The following ANKRD45 variants were observed in gnomAD, a reference collection of about 807,000 sequenced individuals.
ANKRD45 encodes the protein ankyrin repeat domain 45, also known as ankyrin repeat domain-containing protein 45.
In ANKRD45, 21 loss-of-function variants were observed where a neutral mutation model predicts 28.1. The ratio of observed to expected loss-of-function variants is 0.75; its 90% CI spans 0.53 to 1.08. The LOEUF (loss-of-function observed/expected upper bound fraction) is 1.08, where lower values mean the gene tolerates loss of function less well. ANKRD45 is among the 50% of genes least tolerant of loss of function. The pLI, the probability that ANKRD45 is intolerant of heterozygous loss-of-function variation, is 0.00. For synonymous variants in ANKRD45, 86 were observed against 103.9 expected, an observed-to-expected ratio of 0.83 and a Z score of 1.05; for missense variants, 261 against 308.7, an observed-to-expected ratio of 0.85 and a Z score of 1.16.
intron 5 of ANKRD45, among the ~76,000 whole-genome samples, chr1:173,623,305 G>A (rs1018582440): frequency 4.1e-5 from 6 of 147,582 alleles, no homozygotes; most frequent in Non-Finnish European, 1.5e-5. Context: ...GTGAGACTCC[G>A]CCTCGAAAAA....
At chr1:173,705,144 T>C in the ANKRD45 span, among the ~76,000 whole-genome samples, 27 of 152,250 alleles carry the variant, frequency 1.8e-4, no homozygotes, top group South Asian at 5.4e-3. Context: ...ACTTCTAGCA[T>C]CCGGTGGATT....
intron 5 of ANKRD45, among the ~76,000 whole-genome samples, chr1:173,619,940 C>A (rs1667629287): frequency 6.6e-6 from 1 of 151,956 alleles, no homozygotes; most frequent in African/African-American, 2.4e-5. Context: ...TACAGGAGCA[C>A]CCAGATTCAT....
the ANKRD45 span, among the ~76,000 whole-genome samples, chr1:173,686,968 GGTTA>G: frequency 3.3e-5 from 5 of 152,096 alleles, no homozygotes; most frequent in Admixed American, 2.6e-4. Flanking sequence ...TTACAGAGCA[GGTTA>G]GTGCTTTAAG....
At position 173,623,457 on chromosome 1, in the gene ANKRD45, C is replaced by A. The variant is rs1348322743; in HGVS notation, c.730+1330G>T. On this transcript the variant is annotated intron_variant, in intron 5 of 5. Coordinates refer to ENST00000333279, the MANE Select transcript of ANKRD45 (RefSeq NM_198493.3). ...TGGCAATTATTAAAAAGCCCAGAAA[C>A]AACAGATGCTGGCAAGGTTGTGGAT... Among the ~76,000 whole-genome samples, 4 of 152,176 alleles carry A rather than the reference C, an allele frequency of 2.6e-5. No homozygotes were observed. In the East Asian group the frequency reaches 5.8e-4, roughly 22 times the overall value.
At chr1:173,683,237 AAGTTACTTAC>A in the ANKRD45 span, among the ~76,000 whole-genome samples, 1 of 152,200 alleles carries the variant, frequency 6.6e-6, no homozygotes, top group African/African-American at 2.4e-5. Context: ...AACTTTAGCC[AAGTTACTTAC>A]AGTTACTTAC....
At chr1:173,657,588 TCCATCTATTCTG>T (rs1669589863) in intron 2 of ANKRD45, 1 of 151,612 alleles carries the variant, frequency 6.6e-6, no homozygotes. Context: ...TCCTTTCCTT[TCCATCTATTCTG>T]TTTTCTATTT....
chr1:173,712,959 TG>T, the ANKRD45 span, among the ~76,000 whole-genome samples: 1 of 152,214 alleles, frequency 6.6e-6, no homozygotes, highest in Non-Finnish European at 1.5e-5. Context: ...TTGATGCTGC[TG>T]GTCCAGGACA....
At chr1:173,688,578 C>T in the ANKRD45 span, among the ~76,000 whole-genome samples, 3 of 137,072 alleles carry the variant, frequency 2.2e-5, no homozygotes, top group Non-Finnish European at 4.9e-5. Flanking sequence ...CTCTCTCTGC[C>T]GCTTCCTCTC....
At chr1:173,637,690 T>C (rs1054504278) in intron 3 of ANKRD45, among the ~76,000 whole-genome samples, 1 of 152,206 alleles carries the variant, frequency 6.6e-6, no homozygotes, top group Non-Finnish European at 1.5e-5. Context: ...GGTTATAAAT[T>C]ACCCTGTCTC....
chr1:173,708,479 T>C, the ANKRD45 span, among the ~76,000 whole-genome samples: 3 of 152,232 alleles, frequency 2.0e-5, no homozygotes, highest in Non-Finnish European at 4.4e-5. Flanking sequence ...TGTCAGACAT[T>C]GACAATGCTG....
chr1:173,714,947 C>G, the ANKRD45 span: 1 of 152,354 alleles, frequency 6.6e-6, no homozygotes, highest in Non-Finnish European at 1.5e-5. Context: ...GGATATGGGC[C>G]GGTGAAGGGA....
rs145605048 is a variant in ANKRD45 at position 173,620,008 on chromosome 1, A to T, written c.730+4779T>A. 7.7e-3 allele frequency among the ~76,000 whole-genome samples: 1,165 copies of T among 152,284 alleles called. 19 individuals carry two copies. The highest frequency in any genetic ancestry group is 0.026 in the African/African-American group (1,078 of 41,540). On this transcript the variant is annotated intron_variant, in intron 5 of 5. Transcript: ENST00000333279. ...TAGACTCATACACAATAATAATGGGAGACTTTAACACCCCACTGACAATAT... is the reference window on the plus strand; with the variant it reads ...TAGACTCATACACAATAATAATGGGTGACTTTAACACCCCACTGACAATAT...
the ANKRD45 span, among the ~76,000 whole-genome samples, chr1:173,688,951 C>T: frequency 0.014 from 2,149 of 152,040 alleles, 53 homozygotes; most frequent in African/African-American, 0.049. Context: ...CAACATTAGA[C>T]GGGGGGTTGG....
chr1:173,641,781 A>G (rs1668713342), intron 3 of ANKRD45, among the ~76,000 whole-genome samples: 1 of 152,216 alleles, frequency 6.6e-6, no homozygotes, highest in South Asian at 2.1e-4. Context: ...TCCCATGAGG[A>G]GTGCCAGATA....
Position 173,609,229 on chromosome 1 carries a change from G to C in ANKRD45, c.*916C>G, listed in dbSNP as rs1322186266. On this transcript the variant is annotated 3_prime_UTR_variant, in exon 6 of 6. Transcript: ENST00000333279. ...GGTTAAATAAATGTCAACTGACAAA[G>C]TATTACTGAATTACCCATTCCTTTT... 6.6e-6 allele frequency among the ~76,000 whole-genome samples: 1 copy of C among 152,206 alleles called. No homozygotes were observed. The highest frequency in any genetic ancestry group is 1.5e-5 in the Non-Finnish European group (1 of 68,032).
At chr1:173,687,703 G>C in the ANKRD45 span, among the ~76,000 whole-genome samples, 2 of 152,050 alleles carry the variant, frequency 1.3e-5, no homozygotes, top group African/African-American at 4.8e-5. Flanking sequence ...GTTCCTTCCT[G>C]GTTCTGTATT....
chr1:173,617,550 C>T (rs1408603429), intron 5 of ANKRD45, among the ~76,000 whole-genome samples: 3 of 152,272 alleles, frequency 2.0e-5, no homozygotes, highest in Non-Finnish European at 4.4e-5. Context: ...GACCCCAATG[C>T]ATCCCCCTTC....
intron 5 of ANKRD45, among the ~76,000 whole-genome samples, chr1:173,610,785 T>A (rs1667110731): frequency 6.6e-6 from 1 of 151,930 alleles, no homozygotes; most frequent in Non-Finnish European, 1.5e-5. Flanking sequence ...AGCAAGACCC[T>A]GTCTCTAAAA....
chr1:173,698,291 G>A, the ANKRD45 span, among the ~76,000 whole-genome samples: 2 of 152,130 alleles, frequency 1.3e-5, no homozygotes, highest in South Asian at 2.1e-4. Context: ...GGATATCCAG[G>A]ACTTGAACTC....
Sources: gnomAD v4.1 joint callset for allele counts (sites outside exome capture counted in the v4.1 genomes callset) on GRCh38, gnomAD v4.1.1 for gene constraint, MANE v1.5 for transcripts, NCBI Gene and HGNC (gene_info 2026-07-23, HGNC 2026-07-21) for gene names.